Variants in ASB18 observed in about 807,000 individuals in gnomAD.
ASB18 encodes the protein ankyrin repeat and SOCS box protein 18.
ASB18 carries 33 observed loss-of-function variants against 33.4 expected under a neutral mutation model. The ratio of observed to expected loss-of-function variants is 0.99; its 90% CI spans 0.75 to 1.32. ASB18 has a LOEUF of 1.32. Ranked by LOEUF, ASB18 falls within the 40% of genes most tolerant of loss-of-function variation. The pLI is 0.00. For missense variants in ASB18, 694 were observed against 655.5 expected (o/e 1.06, Z -0.64); for synonymous variants, 295 against 307.6 (o/e 0.96, Z 0.43).
At chr2:236,242,805 T>G (rs1382694093) in intron 1 of ASB18, among the ~76,000 whole-genome samples, 10 of 147,332 alleles carry the variant, frequency 6.8e-5, no homozygotes, top group Non-Finnish European at 1.5e-4. Context: ...GAGGATTTGT[T>G]GAGTCCAGGA....
In ASB18 at chr2:236,244,129, TTTTC is replaced by T. The variant is rs1220855087; in HGVS notation, c.206-2731_206-2728del. Among the ~76,000 whole-genome samples, 1 of 152,172 alleles carries T rather than the reference TTTTC, an allele frequency of 6.6e-6. No homozygotes were observed. The highest frequency in any genetic ancestry group is 1.5e-5 in the Non-Finnish European group (1 of 68,040). On this transcript the variant is annotated intron_variant, in intron 1 of 5. Coordinates refer to ENST00000409749, the MANE Select transcript of ASB18 (RefSeq NM_212556.4). The surrounding 1 kb of genome is among the most constrained non-coding windows in gnomAD (Gnocchi z 6.1). ...GTGTGAGCCACCGTGCCCGGCCTGT[TTTTC>T]TTTCTTTCTTTCAACCATTCTTGTT... is the stretch of plus-strand genomic sequence containing the variant.
intron 3 of ASB18, among the ~76,000 whole-genome samples, chr2:236,232,742 A>G (rs977752905): frequency 1.3e-5 from 2 of 152,090 alleles, no homozygotes; most frequent in Non-Finnish European, 2.9e-5. Flanking sequence ...CTCAAAAAAA[A>G]AGAAATAATC....
rs1174521315 is a variant in ASB18 at position 236,259,549 on chromosome 2, C to T, written c.205+4592G>A. ...TGTCCCAGTGGGAAGGGATGGCCTT[C>T]CAGTGGACGTGACCTCCCCTGCATG... is the stretch of plus-strand genomic sequence containing the variant. On this transcript the variant is annotated intron_variant, in intron 1 of 5. Transcript: ENST00000409749. This position sits in a 1 kb window ranked among gnomAD's most constrained non-coding sequence, Gnocchi z 4.4. 1 of 471,200 alleles carries T rather than the reference C, an allele frequency of 2.1e-6. No homozygotes were observed. Among genetic ancestry groups the T allele is most frequent in the African/African-American group, 2.0e-5 (1 of 50,214 alleles). The allele number at this position is 471,200 out of a possible 1,614,324, so 29.2% of individuals were successfully genotyped here.
rs2060501837 is a variant in ASB18 at position 236,219,589 on chromosome 2, A to G, written c.597-4723T>C. ...GACCCAGGCCCATCCTTGAAACACT[A>G]TCATTTCAATCCCTCCTATCAACGT... On this transcript the variant is annotated intron_variant, in intron 3 of 5. Transcript: ENST00000409749. The surrounding 1 kb of genome is among the most constrained non-coding windows in gnomAD (Gnocchi z 6.4). Among the ~76,000 whole-genome samples, 1 of 152,196 alleles carries G rather than the reference A, an allele frequency of 6.6e-6. No individual in the cohort carries two copies. The highest frequency in any genetic ancestry group is 1.5e-5 in the Non-Finnish European group (1 of 68,044).
Position 236,238,048 on chromosome 2 carries a change from G to C in ASB18, c.329-92C>G, listed in dbSNP as rs2060604606. ...CTTAAGGCGGAAAGAAAGTGAAGCC[G>C]TCTCTTAAAGGTAGGTACCAGGTAG... On this transcript the variant is annotated intron_variant, in intron 2 of 5. Coordinates refer to ENST00000409749, the MANE Select transcript of ASB18 (RefSeq NM_212556.4). The surrounding 1 kb of genome is among the most constrained non-coding windows in gnomAD (Gnocchi z 5.2). 8.8e-7 allele frequency: 1 copy of C among 1,139,886 alleles called. No homozygotes were observed. Among genetic ancestry groups the C allele is most frequent in the South Asian group, 1.9e-5 (1 of 51,324 alleles). The allele number at this position is 1,139,886 out of a possible 1,614,324, so 70.6% of individuals were successfully genotyped here. A position where few individuals can be genotyped will look rare whatever the true frequency, so the allele number is the denominator to read the frequency against.
At position 236,241,712 on chromosome 2, in the gene ASB18, C is replaced by T. The variant is rs2060621978; in HGVS notation, c.206-310G>A. Among the ~76,000 whole-genome samples the T allele has an allele frequency of 1.3e-5, 2 of 152,152 alleles. No individual in the cohort carries two copies. Among genetic ancestry groups the T allele is most frequent in the African/African-American group, 4.8e-5 (2 of 41,428 alleles). The stretch of plus-strand genomic sequence containing the variant: ...CCAGGGGCATGTGAGCACTGGGATG[C>T]CGCAGTACTCAGCCACCCTCTTTGT... On this transcript the variant is annotated intron_variant, in intron 1 of 5. Transcript: ENST00000409749. This position sits in a 1 kb window ranked among gnomAD's most constrained non-coding sequence, Gnocchi z 4.2.
Position 236,203,435 on chromosome 2 carries a change from G to A in ASB18, c.1102-7050C>T, listed in dbSNP as rs1018624172. On this transcript the variant is annotated intron_variant, in intron 4 of 5. Coordinates refer to ENST00000409749, the MANE Select transcript of ASB18 (RefSeq NM_212556.4). The surrounding 1 kb of genome is among the most constrained non-coding windows in gnomAD (Gnocchi z 6.0). ...TTGGCTGGGGCATGAGTCTGACATG[G>A]GGAGTGCTCGGAAATGAAACAGGAG... is the stretch of plus-strand genomic sequence containing the variant. Among the ~76,000 whole-genome samples the A allele has an allele frequency of 4.6e-5, 7 of 152,194 alleles. No homozygotes were observed. Among genetic ancestry groups the A allele is most frequent in the South Asian group, 2.1e-4 (1 of 4,832 alleles).
Position 236,198,377 on chromosome 2 carries a change from C to CT in ASB18, c.1102-1993dup, listed in dbSNP as rs540996331. ...TATTTACAAGCAATTATCCTTTTTT[C>CT]TTTTTTTTTTGGATGGAGTCTTGCT... is the stretch of plus-strand genomic sequence containing the variant. On this transcript the variant is annotated intron_variant, in intron 4 of 5. Coordinates refer to ENST00000409749, the MANE Select transcript of ASB18 (RefSeq NM_212556.4). 5.3e-3 allele frequency among the ~76,000 whole-genome samples: 781 copies of CT among 148,310 alleles called. 1 individual carries two copies. The highest frequency in any genetic ancestry group is 8.6e-3 in the African/African-American group (348 of 40,614).
rs2060613240 is a variant in ASB18, at chr2:236,239,854, G to A, written c.328+1426C>T. ...GCTGGATCTGCTGCAGGGCAGTCAG[G>A]TGTCTGTGCCGGAGGAGGCTGGAAT... is the stretch of plus-strand genomic sequence containing the variant. On this transcript the variant is annotated intron_variant, in intron 2 of 5. Transcript: ENST00000409749. The surrounding 1 kb of genome is among the most constrained non-coding windows in gnomAD (Gnocchi z 5.6). Among the ~76,000 whole-genome samples, 1 of 152,222 alleles carries A rather than the reference G, an allele frequency of 6.6e-6. No individual in the cohort carries two copies. The highest frequency in any genetic ancestry group is 2.1e-4 in the South Asian group (1 of 4,830).
rs2060490802 is a variant in ASB18, at chr2:236,216,923, C to T, written c.597-2057G>A. Among the ~76,000 whole-genome samples the T allele has an allele frequency of 6.6e-6, 1 of 152,100 alleles. No individual in the cohort carries two copies. Among genetic ancestry groups the T allele is most frequent in the African/African-American group, 2.4e-5 (1 of 41,406 alleles). ...GACCAGGTATGGTGCTGAGAGCACA[C>T]TCTGCCGTGCCATGCCCCCATGCCC... On this transcript the variant is annotated intron_variant, in intron 3 of 5. Transcript: ENST00000409749. This position sits in a 1 kb window ranked among gnomAD's most constrained non-coding sequence, Gnocchi z 6.1.
At position 236,200,427 on chromosome 2, in the gene ASB18, G is replaced by A. The variant is rs2060395331; in HGVS notation, c.1102-4042C>T. 6.6e-6 allele frequency among the ~76,000 whole-genome samples: 1 copy of A among 152,164 alleles called. No homozygotes were observed. The highest frequency in any genetic ancestry group is 2.1e-4 in the South Asian group (1 of 4,816). ...ATACAGGAACTATTTAACCAGATGT[G>A]GGTACAAGGAAACTGACAAGGGTCA... On this transcript the variant is annotated intron_variant, in intron 4 of 5. Coordinates refer to ENST00000409749, the MANE Select transcript of ASB18 (RefSeq NM_212556.4). The surrounding 1 kb of genome is among the most constrained non-coding windows in gnomAD (Gnocchi z 4.2).
Position 236,241,524 on chromosome 2 carries a change from G to T in ASB18, c.206-122C>A. The stretch of plus-strand genomic sequence containing the variant: ...CTGGCCCTGGCTGTCTCTCCATTGA[G>T]ATGCCGTCGATTTCAGAAGAGTTCT... On this transcript the variant is annotated intron_variant, in intron 1 of 5. Transcript: ENST00000409749. This position sits in a 1 kb window ranked among gnomAD's most constrained non-coding sequence, Gnocchi z 4.2. 1 of 1,070,488 alleles carries T rather than the reference G, an allele frequency of 9.3e-7. No individual in the cohort carries two copies. Among genetic ancestry groups the T allele is most frequent in the Non-Finnish European group, 1.4e-6 (1 of 712,664 alleles). The allele number at this position is 1,070,488 out of a possible 1,614,324, so 66.3% of individuals were successfully genotyped here. A position where few individuals can be genotyped will look rare whatever the true frequency, so the allele number is the denominator to read the frequency against.
At position 236,217,412 on chromosome 2, in the gene ASB18, C is replaced by CAAAAAA. The variant is rs1184456986; in HGVS notation, c.597-2552_597-2547dup. ...GGGGCAACAGAGCGAGACTCTGTCT[C>CAAAAAA]AAAAAAAAAAAAAAATAAATCTTGG... is the stretch of plus-strand genomic sequence containing the variant. On this transcript the variant is annotated intron_variant, in intron 3 of 5. Coordinates refer to ENST00000409749, the MANE Select transcript of ASB18 (RefSeq NM_212556.4). This position sits in a 1 kb window ranked among gnomAD's most constrained non-coding sequence, Gnocchi z 5.2. Among the ~76,000 whole-genome samples, 297 of 85,344 alleles carry CAAAAAA rather than the reference C, an allele frequency of 3.5e-3. 1 individual carries two copies. The highest frequency in any genetic ancestry group is 0.02 in the African/African-American group (269 of 13,696). 56.0% of individuals were successfully genotyped at this position (85,344 alleles called of 152,430 possible). A position where few individuals can be genotyped will look rare whatever the true frequency, so the allele number is the denominator to read the frequency against.
rs760155508 is a variant in ASB18, at chr2:236,203,171, G to C, written c.1102-6786C>G. 4.6e-5 allele frequency among the ~76,000 whole-genome samples: 7 copies of C among 152,106 alleles called. No individual in the cohort carries two copies. Among genetic ancestry groups the C allele is most frequent in the Admixed American group, 1.3e-4 (2 of 15,268 alleles). Reference sequence around the variant, plus strand: ...TTATGTCTGCATGTTATGATGGCCAGCTCCACCTTCACAGAGCTTTACAGT... The same window carrying C: ...TTATGTCTGCATGTTATGATGGCCACCTCCACCTTCACAGAGCTTTACAGT... On this transcript the variant is annotated intron_variant, in intron 4 of 5. Coordinates refer to ENST00000409749, the MANE Select transcript of ASB18 (RefSeq NM_212556.4). The surrounding 1 kb of genome is among the most constrained non-coding windows in gnomAD (Gnocchi z 6.0).
chr2:236,200,339 A>G lies in ASB18; in HGVS notation c.1102-3954T>C, dbSNP rs1420368485. On this transcript the variant is annotated intron_variant, in intron 4 of 5. Transcript: ENST00000409749. This position sits in a 1 kb window ranked among gnomAD's most constrained non-coding sequence, Gnocchi z 4.2. Reference sequence around the variant, plus strand: ...ACTCCAGCCTGGGCGACAGAGCAAGACTCCGTCTAAAAAAAAAAGAGATGG... The same window carrying G: ...ACTCCAGCCTGGGCGACAGAGCAAGGCTCCGTCTAAAAAAAAAAGAGATGG... 6.6e-6 allele frequency among the ~76,000 whole-genome samples: 1 copy of G among 151,840 alleles called. No homozygotes were observed. The highest frequency in any genetic ancestry group is 1.5e-5 in the Non-Finnish European group (1 of 67,990).
chr2:236,243,101 C>T (rs1402245423), intron 1 of ASB18, among the ~76,000 whole-genome samples: 3 of 143,904 alleles, frequency 2.1e-5, no homozygotes, highest in African/African-American at 5.2e-5. Context: ...GAGGCCGAGG[C>T]GGGTGGATCA....
rs540201109 is a variant in ASB18 at position 236,241,310 on chromosome 2, C to T, written c.298G>A (p.Val100Met). Residue 100 changes from valine to methionine, a missense_variant, in exon 2 of 6, where the codon GTG becomes ATG. Val to Met is a conservative substitution (Grantham distance 21). Transcript: ENST00000409749. The surrounding 1 kb of genome is among the most constrained non-coding windows in gnomAD (Gnocchi z 4.2). ...AGTCCAAACGTGGCTGGAGATTTCA[C>T]CTGCCATTCCATCTCATCCTTATTG... ...EINKDEMEWQ[V>M]KSPATFGLSG... 3.1e-6 allele frequency: 5 copies of T among 1,613,780 alleles called. No homozygotes were observed. The highest frequency in any genetic ancestry group is 2.7e-5 in the African/African-American group (2 of 74,998).
intron 4 of ASB18, among the ~76,000 whole-genome samples, chr2:236,197,834 G>A: frequency 7.0e-6 from 1 of 142,570 alleles, no homozygotes; most frequent in Admixed American, 6.8e-5. Flanking sequence ...AAAAAAAAAA[G>A]AAGCTGGACC....
chr2:236,236,968 C>T (rs968928509), intron 3 of ASB18, among the ~76,000 whole-genome samples: 1 of 152,154 alleles, frequency 6.6e-6, no homozygotes, highest in Non-Finnish European at 1.5e-5. Flanking sequence ...AGACAGGTGG[C>T]CCCGCTGCCT....
Sources: allele counts gnomAD v4.1 joint callset (sites outside exome capture counted in the v4.1 genomes callset), GRCh38; gene constraint gnomAD v4.1.1; non-coding constraint Gnocchi (gnomAD v3.1); transcripts MANE v1.5; gene names NCBI Gene and HGNC (gene_info 2026-07-23, HGNC 2026-07-21).